SYT3: variants seen among roughly 807,000 people sequenced by gnomAD.
SYT3 encodes synaptotagmin 3, also known as synaptotagmin-3.
Under a neutral mutation model 50.6 loss-of-function variants are expected in SYT3, and 25 were observed. The observed-to-expected ratio is 0.49, with a 90% CI of 0.36 to 0.69. The LOEUF is 0.69. SYT3 is among the 30% of genes least tolerant of loss of function. SYT3 has a pLI of 0.00. For missense variants in SYT3, 589 were observed against 793.6 expected, an observed-to-expected ratio of 0.74 and a Z score of 3.10; for synonymous variants, 323 against 353.9, an observed-to-expected ratio of 0.91 and a Z score of 0.98.
In SYT3 at chr19:50,625,763, CTCCCTCA is replaced by C; in HGVS notation, c.1402+127_1402+133del. On this transcript the variant is annotated intron_variant, in intron 7 of 10. Coordinates refer to ENST00000600079, the MANE Select transcript of SYT3 (RefSeq NM_001160329.2). The surrounding 1 kb of genome is among the most constrained non-coding windows in gnomAD (Gnocchi z 7.5). ...CAGGAGTCCAGGCCCCTGGCCCCTCCTCCCTCAGACCCAGGAGTCCAGATCCCCAGCT... is the reference window on the plus strand; with the variant it reads ...CAGGAGTCCAGGCCCCTGGCCCCTCCGACCCAGGAGTCCAGATCCCCAGCT... 35 of 818,194 alleles carry C rather than the reference CTCCCTCA, an allele frequency of 4.3e-5. 1 individual carries two copies. Among genetic ancestry groups the C allele is most frequent in the Non-Finnish European group, 4.3e-5 (23 of 535,264 alleles). 50.7% of individuals were successfully genotyped at this position (818,194 alleles called of 1,614,324 possible).
intron 9 of SYT3, among the ~76,000 whole-genome samples, chr19:50,624,063 A>G (rs1983955290): frequency 6.6e-6 from 1 of 151,942 alleles, no homozygotes; most frequent in Non-Finnish European, 1.5e-5. Flanking sequence ...CCTGGGCTCA[A>G]GAGATCCTCC....
At position 50,637,120 on chromosome 19, in the gene SYT3, G is replaced by T; in HGVS notation, c.148+144C>A. The T allele has an allele frequency of 9.3e-7, 1 of 1,080,490 alleles. No individual in the cohort carries two copies. The allele number at this position is 1,080,490 out of a possible 1,614,324, so 66.9% of individuals were successfully genotyped here. ...TCCTTCCCCTTGGATCAGAGATTTGGGAGAAGGGCAGCAGCAGGCAGAATG... is the reference window on the plus strand; with the variant it reads ...TCCTTCCCCTTGGATCAGAGATTTGTGAGAAGGGCAGCAGCAGGCAGAATG... On this transcript the variant is annotated intron_variant, in intron 3 of 10. Coordinates refer to ENST00000600079, the MANE Select transcript of SYT3 (RefSeq NM_001160329.2). The surrounding 1 kb of genome is among the most constrained non-coding windows in gnomAD (Gnocchi z 4.9).
At position 50,632,835 on chromosome 19, in the gene SYT3, A is replaced by C; in HGVS notation, c.149-24T>G. 3 of 1,485,282 alleles carry C rather than the reference A, an allele frequency of 2.0e-6. No homozygotes were observed. The highest frequency in any genetic ancestry group is 2.7e-6 in the Non-Finnish European group (3 of 1,120,722). 92.0% of individuals were successfully genotyped at this position (1,485,282 alleles called of 1,614,324 possible). ...GTCTGGAGAGAACGAGGACAGAGGT[A>C]GGGGTCAGGATGGGGTCACAGTACA... On this transcript the variant is annotated intron_variant, in intron 3 of 10. Transcript: ENST00000600079. This position sits in a 1 kb window ranked among gnomAD's most constrained non-coding sequence, Gnocchi z 4.7.
At chr19:50,642,677 T>C (rs1984699889), upstream of SYT3, among the ~76,000 whole-genome samples, 1 of 151,964 alleles carries the variant, frequency 6.6e-6, no homozygotes, top group Non-Finnish European at 1.5e-5. Context: ...CTACTAAAAA[T>C]ACAAAAATTA....
chr19:50,625,374 C>T lies in SYT3; in HGVS notation c.1574+19G>A, dbSNP rs779507454. Reference sequence around the variant, plus strand: ...CCCCAGCCCTCCTGCCTGACCCCCGCCCGGGCCGCGCCCCTCACCAGTCGT... The same window carrying T: ...CCCCAGCCCTCCTGCCTGACCCCCGTCCGGGCCGCGCCCCTCACCAGTCGT... On this transcript the variant is annotated intron_variant, in intron 8 of 10. Coordinates refer to ENST00000600079, the MANE Select transcript of SYT3 (RefSeq NM_001160329.2). The surrounding 1 kb of genome is among the most constrained non-coding windows in gnomAD (Gnocchi z 7.5). The T allele has an allele frequency of 6.5e-7, 1 of 1,541,316 alleles. No individual in the cohort carries two copies. The highest frequency in any genetic ancestry group is 1.2e-5 in the South Asian group (1 of 83,342).
the SYT3 span, among the ~76,000 whole-genome samples, chr19:50,653,725 CA>C: frequency 2.7e-5 from 4 of 148,338 alleles, no homozygotes; most frequent in Non-Finnish European, 5.9e-5. Flanking sequence ...CACACACACA[CA>C]CACACACACA....
At chr19:50,653,465 A>C in the SYT3 span, among the ~76,000 whole-genome samples, 1 of 152,168 alleles carries the variant, frequency 6.6e-6, no homozygotes, top group Admixed American at 6.5e-5. Context: ...GGCCGGTATG[A>C]CTGGAAGAAA....
the SYT3 span, chr19:50,649,892 G>A: frequency 1.5e-5 from 7 of 458,430 alleles, no homozygotes; most frequent in East Asian, 6.8e-5. Flanking sequence ...TGGCCCCACC[G>A]CCAACCCAGT....
the SYT3 span, among the ~76,000 whole-genome samples, chr19:50,651,195 C>T: frequency 5.3e-5 from 8 of 152,148 alleles, no homozygotes; most frequent in Non-Finnish European, 1.2e-4. Flanking sequence ...TCATTCATAG[C>T]CTCCAATGGC....
the SYT3 span, chr19:50,656,492 CTGAT>C: frequency 3.3e-6 from 4 of 1,202,424 alleles, no homozygotes; most frequent in Non-Finnish European, 4.5e-6. Context: ...TTGCTGAAAA[CTGAT>C]TGTGAATTTG....
chr19:50,627,314 TG>T (rs1432265690), intron 6 of SYT3, among the ~76,000 whole-genome samples: 1 of 152,202 alleles, frequency 6.6e-6, no homozygotes, highest in Non-Finnish European at 1.5e-5. Context: ...AGGCTCCTCC[TG>T]TGCCTCCCCA....
chr19:50,651,759 A>G, the SYT3 span, among the ~76,000 whole-genome samples: 15 of 152,054 alleles, frequency 9.9e-5, no homozygotes, highest in Admixed American at 9.2e-4. Context: ...TTCAATAAGT[A>G]CTTATTTTTA....
chr19:50,630,121 G>T lies in SYT3; in HGVS notation c.725C>A (p.Pro242Gln). The T allele has an allele frequency of 6.2e-7, 1 of 1,600,970 alleles. No individual in the cohort carries two copies. The highest frequency in any genetic ancestry group is 1.7e-5 in the Admixed American group (1 of 58,644). ...TGGCCGCTCCTCACTGCTGGGGTCC[G>T]GCTGGGAGGTCAGAGTCTGCTGGGT... ...PLTQQTLTSQPDPSSEERPPA... is the reference protein window; with the variant it reads ...PLTQQTLTSQQDPSSEERPPA... Residue 242 changes from proline to glutamine, a missense_variant, in exon 5 of 11, where the codon CCG (proline) becomes CAG (glutamine). Pro to Gln is a moderately conservative substitution (Grantham distance 76). This residue lies in a region of SYT3 where 316 missense variants were observed against 354.3 expected (regional missense o/e 0.89). Transcript: ENST00000600079.
chr19:50,626,653 A>T (rs960164701), intron 6 of SYT3, among the ~76,000 whole-genome samples: 4 of 151,268 alleles, frequency 2.6e-5, no homozygotes, highest in African/African-American at 9.7e-5. Flanking sequence ...AAAGGGGCAG[A>T]GACCCAGACA....
intron 2 of SYT3, 64 bp downstream of exon 2, chr19:50,638,961 T>G (rs1984581032): frequency 6.7e-6 from 1 of 149,980 alleles, no homozygotes; most frequent in East Asian, 1.9e-4. Context: ...GGCTCACAGA[T>G]GGACAGGTGT....
At chr19:50,656,114 C>T in the SYT3 span, 1 of 1,536,128 alleles carries the variant, frequency 6.5e-7, no homozygotes, top group Non-Finnish European at 8.7e-7. Context: ...GCAGGCCCAT[C>T]AAATCCTCGT....
At chr19:50,645,050 T>C in the SYT3 span, among the ~76,000 whole-genome samples, 1 of 152,220 alleles carries the variant, frequency 6.6e-6, no homozygotes, top group Admixed American at 6.5e-5. Context: ...CATGCACACA[T>C]GTGTGTAAAT....
chr19:50,644,656 T>A (rs1477633954), upstream of SYT3, among the ~76,000 whole-genome samples: 1 of 151,750 alleles, frequency 6.6e-6, no homozygotes, highest in African/African-American at 2.4e-5. Context: ...GATGGGTGGA[T>A]GGATGTTGGA....
At chr19:50,649,046 A>C in the SYT3 span, among the ~76,000 whole-genome samples, 1 of 148,458 alleles carries the variant, frequency 6.7e-6, no homozygotes, top group Admixed American at 6.7e-5. Context: ...GATGGAGCCC[A>C]GGAGAGAAGG....
Sources: allele counts gnomAD v4.1 joint callset (sites outside exome capture counted in the v4.1 genomes callset), GRCh38; gene constraint gnomAD v4.1.1; regional missense constraint gnomAD v4.1.1; non-coding constraint Gnocchi (gnomAD v3.1); transcripts MANE v1.5; gene names NCBI Gene and HGNC (gene_info 2026-07-23, HGNC 2026-07-21).